PPM1A: variants seen among roughly 807,000 people sequenced by gnomAD.
The protein encoded by PPM1A is protein phosphatase, Mg2+/Mn2+ dependent 1A.
A neutral mutation model predicts 35.0 loss-of-function variants in PPM1A; 7 were observed. The observed-to-expected ratio is 0.20, with a 90% confidence interval of 0.11 to 0.38. PPM1A has a LOEUF of 0.38. Among genes scored for constraint, PPM1A ranks in the 10% least tolerant of loss-of-function variants. The pLI is 1.00. For synonymous variants in PPM1A, 153 were observed against 167.3 expected (o/e 0.91, Z 0.66); for missense variants, 239 against 467.8 (o/e 0.51, Z 4.51).
chr14:60,287,523 A>G (rs1887139995), intron 3 of PPM1A: 1 of 985,372 alleles, frequency 1.0e-6, no homozygotes, highest in Non-Finnish European at 1.2e-6. Flanking sequence ...TACTGCCTTC[A>G]GCTTCCAAAG....
chr14:60,277,180 C>A, intron 1 of PPM1A: 1 of 303,416 alleles, frequency 3.3e-6, no homozygotes, highest in Non-Finnish European at 5.3e-6. Context: ...TGGATATACG[C>A]CAATTTAATT....
intron 1 of PPM1A, among the ~76,000 whole-genome samples, chr14:60,263,596 G>A (rs1371412190): frequency 1.3e-5 from 2 of 152,052 alleles, no homozygotes; most frequent in Non-Finnish European, 2.9e-5. Context: ...TGGAGGTTGG[G>A]CTTCTAGTGT....
chr14:60,290,208 T>C (rs1343778881), intron 4 of PPM1A, among the ~76,000 whole-genome samples: 2 of 152,176 alleles, frequency 1.3e-5, no homozygotes, highest in Non-Finnish European at 2.9e-5. Context: ...TAAACTAAAT[T>C]ACATAGCACT....
Position 60,297,589 on chromosome 14 carries a change from T to A in PPM1A, c.*5107T>A, listed in dbSNP as rs537161857. 6 of 151,830 alleles carry A rather than the reference T, an allele frequency of 4.0e-5. No homozygotes were observed. In the South Asian group the frequency reaches 1.2e-3, roughly 32 times the overall value. The allele number at this position is 151,830 out of a possible 1,614,324, so 9.4% of individuals were successfully genotyped here. On this transcript the variant is annotated 3_prime_UTR_variant, in exon 6 of 6. Coordinates refer to ENST00000395076, the MANE Select transcript of PPM1A (RefSeq NM_021003.5). ...AATGTTTAGAAAAGTTGTTTAGAGT[T>A]TTTCTTTTTCTTTTACATAGTCCTC...
At chr14:60,248,245 C>G (rs889712228), upstream of PPM1A, among the ~76,000 whole-genome samples, 3 of 152,212 alleles carry the variant, frequency 2.0e-5, no homozygotes, top group Admixed American at 2.0e-4. Context: ...TTAACTTTAG[C>G]TCATCTCTAC....
intron 1 of PPM1A, among the ~76,000 whole-genome samples, chr14:60,280,523 T>A (rs1409666572): frequency 6.6e-6 from 1 of 152,268 alleles, no homozygotes; most frequent in African/African-American, 2.4e-5. Context: ...TGTGTTTAAT[T>A]TTTTGAGTTT....
chr14:60,281,836 A>G (rs1434365183), intron 1 of PPM1A, among the ~76,000 whole-genome samples: 1 of 152,190 alleles, frequency 6.6e-6, no homozygotes, highest in African/African-American at 2.4e-5. Flanking sequence ...GATCTTCTTT[A>G]TATACCTAAT....
At chr14:60,278,453 GATT>G (rs1886017262) in intron 1 of PPM1A, among the ~76,000 whole-genome samples, 1 of 151,726 alleles carries the variant, frequency 6.6e-6, no homozygotes, top group African/African-American at 2.4e-5. Flanking sequence ...CTAAAGCAGA[GATT>G]ATGTTCCTAA....
chr14:60,276,510 T>G (rs1214578462), intron 1 of PPM1A, among the ~76,000 whole-genome samples: 1 of 152,246 alleles, frequency 6.6e-6, no homozygotes, highest in East Asian at 1.9e-4. Flanking sequence ...AATGTTCTTT[T>G]GTTATATGAG....
At chr14:60,252,542 A>G (rs895391362) in intron 1 of PPM1A, among the ~76,000 whole-genome samples, 27 of 152,172 alleles carry the variant, frequency 1.8e-4, no homozygotes, top group African/African-American at 6.5e-4. Context: ...AGGAGAAGGT[A>G]TAGTGAGGCA....
intron 1 of PPM1A, among the ~76,000 whole-genome samples, chr14:60,265,057 T>C (rs1884211382): frequency 6.6e-6 from 1 of 152,222 alleles, no homozygotes; most frequent in African/African-American, 2.4e-5. Flanking sequence ...TTTGTTGTGT[T>C]TTCTTTTTCA....
intron 1 of PPM1A, among the ~76,000 whole-genome samples, chr14:60,251,457 CAGT>C (rs1456266106): frequency 1.3e-5 from 2 of 152,078 alleles, no homozygotes; most frequent in South Asian, 4.1e-4. Context: ...GGGAACAGTG[CAGT>C]AGGAGACAAG....
chr14:60,286,840 G>A lies in PPM1A; in HGVS notation c.952+1099G>A, dbSNP rs1037535269. 1.2e-5 allele frequency: 12 copies of A among 983,010 alleles called. No homozygotes were observed. In the African/African-American group the frequency reaches 1.9e-4, roughly 16 times the overall value. 60.9% of individuals were successfully genotyped at this position (983,010 alleles called of 1,614,324 possible). A position where few individuals can be genotyped will look rare whatever the true frequency, so the allele number is the denominator to read the frequency against. On this transcript the variant is annotated intron_variant, in intron 3 of 5. Transcript: ENST00000395076. Reference sequence around the variant, plus strand: ...ATCTAGTATGTGTTTGTACTATTTAGTATTGCATTCATTGGACGTACTATT... The same window carrying A: ...ATCTAGTATGTGTTTGTACTATTTAATATTGCATTCATTGGACGTACTATT...
chr14:60,279,370 G>C lies in PPM1A; in HGVS notation c.-20-3314G>C, dbSNP rs186950845. 3.6e-3 allele frequency among the ~76,000 whole-genome samples: 545 copies of C among 152,214 alleles called. 3 individuals are homozygous for C. Among genetic ancestry groups the C allele is most frequent in the African/African-American group, 0.012 (506 of 41,546 alleles). On this transcript the variant is annotated intron_variant, in intron 1 of 5. Coordinates refer to ENST00000395076, the MANE Select transcript of PPM1A (RefSeq NM_021003.5). ...GACCTCAATTAATCCACCCACCTCA[G>C]CCTCCCAAAGTGCTGAGATTACAGG...
At chr14:60,261,189 A>G (rs1883705723) in intron 1 of PPM1A, among the ~76,000 whole-genome samples, 2 of 152,188 alleles carry the variant, frequency 1.3e-5, no homozygotes, top group South Asian at 4.1e-4. Context: ...GGAGATACAG[A>G]AGAAGAGATT....
chr14:60,259,405 A>G (rs1169466823), intron 1 of PPM1A, among the ~76,000 whole-genome samples: 1 of 152,050 alleles, frequency 6.6e-6, no homozygotes, highest in African/African-American at 2.4e-5. Context: ...TAGATGCTCT[A>G]TGTGAGGTGT....
intron 4 of PPM1A, among the ~76,000 whole-genome samples, chr14:60,290,326 A>G (rs563405151): frequency 4.3e-4 from 66 of 152,228 alleles, no homozygotes; most frequent in Middle Eastern, 6.8e-3. Context: ...CCTCATATGG[A>G]CCATGTTTCT....
rs1886980799 is a variant in PPM1A at position 60,286,134 on chromosome 14, G to A, written c.952+393G>A. 4 of 986,086 alleles carry A rather than the reference G, an allele frequency of 4.1e-6. No homozygotes were observed. In the South Asian group the frequency reaches 1.9e-4, roughly 46 times the overall value. 61.1% of individuals were successfully genotyped at this position (986,086 alleles called of 1,614,324 possible). A position where few individuals can be genotyped will look rare whatever the true frequency, so the allele number is the denominator to read the frequency against. ...GAATACCATCTTTCTATGAAAAGCT[G>A]TGTATATTAATTTTAATCTCTAGGG... On this transcript the variant is annotated intron_variant, in intron 3 of 5. Transcript: ENST00000395076.
chr14:60,287,746 G>C, intron 3 of PPM1A: 1 of 983,740 alleles, frequency 1.0e-6, no homozygotes, highest in Non-Finnish European at 1.2e-6. Context: ...GGTGTGAAAA[G>C]ATTCAGCTCA....
Sources: gnomAD v4.1 joint callset for allele counts (sites outside exome capture counted in the v4.1 genomes callset) on GRCh38, gnomAD v4.1.1 for gene constraint, MANE v1.5 for transcripts, NCBI Gene and HGNC (gene_info 2026-07-23, HGNC 2026-07-21) for gene names.